The following CDH4 variants were observed in gnomAD, a reference collection of about 807,000 sequenced individuals.
CDH4 encodes the protein cadherin 4.
Under a neutral mutation model 86.0 loss-of-function variants are expected in CDH4, and 33 were observed. That is an observed-to-expected ratio of 0.38 (90% CI 0.29 to 0.51). The LOEUF is 0.51. Ranked by LOEUF, CDH4 falls within the 20% of genes least tolerant of loss-of-function variation. The pLI, the probability that CDH4 is intolerant of heterozygous loss-of-function variation, is 0.86. For synonymous variants in CDH4, 555 were observed against 549.4 expected, an observed-to-expected ratio of 1.01 and a Z score of -0.14; for missense variants, 1,114 against 1,307.4, an observed-to-expected ratio of 0.85 and a Z score of 2.28.
chr20:61,434,955 C>T (rs1397357721), intron 2 of CDH4: 1 of 152,134 alleles, frequency 6.6e-6, no homozygotes, highest in African/African-American at 2.4e-5. Context: ...AATTTGTTTA[C>T]TTTTTAGGAC....
At chr20:61,588,304 C>T (rs1212373194) in intron 2 of CDH4, among the ~76,000 whole-genome samples, 2 of 152,054 alleles carry the variant, frequency 1.3e-5, no homozygotes, top group East Asian at 1.9e-4. Context: ...ACTAGGAAGG[C>T]GTAGGTCTCG....
At chr20:61,611,130 C>G (rs1011620072) in intron 2 of CDH4, among the ~76,000 whole-genome samples, 2 of 152,082 alleles carry the variant, frequency 1.3e-5, no homozygotes, top group African/African-American at 4.8e-5. Flanking sequence ...GGGTGCACGT[C>G]TCCCAGCAGG....
At chr20:61,612,091 A>T (rs995304904) in intron 2 of CDH4, among the ~76,000 whole-genome samples, 9 of 152,046 alleles carry the variant, frequency 5.9e-5, no homozygotes, top group Middle Eastern at 3.2e-3. Flanking sequence ...GAATTTAAAA[A>T]TTTTTTTTGA....
At chr20:61,818,495 C>T (rs1232545563) in intron 4 of CDH4, among the ~76,000 whole-genome samples, 1 of 151,980 alleles carries the variant, frequency 6.6e-6, no homozygotes, top group Non-Finnish European at 1.5e-5. Context: ...GGTAACATAG[C>T]AAGGCCCTGT....
At position 61,691,931 on chromosome 20, in the gene CDH4, G is replaced by A. The variant is rs191487064; in HGVS notation, c.170-51632G>A. On this transcript the variant is annotated intron_variant, in intron 2 of 15. Transcript: ENST00000614565. ...GTCCTTAAAATAAACTAGCACCCAT[G>A]ACAGCCTACTGAGCACTTTTGTGTA... is the stretch of plus-strand genomic sequence containing the variant. 5.4e-4 allele frequency among the ~76,000 whole-genome samples: 82 copies of A among 152,372 alleles called. No individual in the cohort carries two copies. The South Asian group carries it at 6.8e-3, about 13-fold the overall frequency.
chr20:61,798,923 C>T (rs906137442), intron 4 of CDH4, among the ~76,000 whole-genome samples: 6 of 152,194 alleles, frequency 3.9e-5, no homozygotes, highest in African/African-American at 9.6e-5. Flanking sequence ...CCCGATGACC[C>T]GGGCTCCTTT....
chr20:61,413,291 G>C (rs1157704679), intron 2 of CDH4, among the ~76,000 whole-genome samples: 1 of 151,314 alleles, frequency 6.6e-6, no homozygotes. Context: ...GTTTCTCTTT[G>C]TACCTCCCAC....
At chr20:61,318,385 C>G (rs2084489219) in intron 2 of CDH4, among the ~76,000 whole-genome samples, 1 of 152,134 alleles carries the variant, frequency 6.6e-6, no homozygotes, top group Non-Finnish European at 1.5e-5. Flanking sequence ...CCAAGATTTA[C>G]TGCTTTGAAT....
intron 5 of CDH4, among the ~76,000 whole-genome samples, chr20:61,847,182 C>T (rs1235021192): frequency 6.6e-6 from 1 of 152,232 alleles, no homozygotes; most frequent in Admixed American, 6.5e-5. Flanking sequence ...TTCGCATTCC[C>T]ACCAACTCCC....
At chr20:61,928,597 C>T (rs1023227337) in intron 12 of CDH4, among the ~76,000 whole-genome samples, 174 bp downstream of exon 12, 1 of 152,232 alleles carries the variant, frequency 6.6e-6, no homozygotes, top group Non-Finnish European at 1.5e-5. Flanking sequence ...CCTCCTTCAC[C>T]TGGCCTTGAG....
At chr20:61,410,643 C>T (rs2085113574) in intron 2 of CDH4, among the ~76,000 whole-genome samples, 1 of 151,648 alleles carries the variant, frequency 6.6e-6, no homozygotes, top group African/African-American at 2.4e-5. Context: ...GTCCATCCAT[C>T]CATCCATCCA....
At chr20:61,336,520 T>C (rs2084617964) in intron 2 of CDH4, among the ~76,000 whole-genome samples, 1 of 152,132 alleles carries the variant, frequency 6.6e-6, no homozygotes, top group South Asian at 2.1e-4. Flanking sequence ...AGCCCCTTTT[T>C]GTCTCCTACC....
intron 2 of CDH4, among the ~76,000 whole-genome samples, chr20:61,466,406 A>G (rs2085471642): frequency 6.6e-6 from 1 of 152,242 alleles, no homozygotes; most frequent in Admixed American, 6.5e-5. Flanking sequence ...AAGATCGTGC[A>G]TAGCAGGTGC....
At chr20:61,317,995 G>A (rs1305911265) in intron 2 of CDH4, among the ~76,000 whole-genome samples, 1 of 152,200 alleles carries the variant, frequency 6.6e-6, no homozygotes, top group East Asian at 1.9e-4. Context: ...TTTGTTCTTA[G>A]CAAACCTAAA....
chr20:61,644,304 G>A (rs1184683907), intron 2 of CDH4, among the ~76,000 whole-genome samples: 3 of 152,194 alleles, frequency 2.0e-5, no homozygotes, highest in Admixed American at 6.5e-5. Context: ...TTTAATCATC[G>A]GAGCACTCCT....
At chr20:61,610,341 A>G (rs762276181) in intron 2 of CDH4, among the ~76,000 whole-genome samples, 10 of 152,200 alleles carry the variant, frequency 6.6e-5, no homozygotes, top group Non-Finnish European at 1.3e-4. Context: ...ATTCTTTTTT[A>G]TGGCTGAATA....
At chr20:61,519,364 T>C (rs1289123079) in intron 2 of CDH4, among the ~76,000 whole-genome samples, 1 of 152,244 alleles carries the variant, frequency 6.6e-6, no homozygotes, top group East Asian at 1.9e-4. Flanking sequence ...GCTTTGGTTT[T>C]ATACCCATGG....
intron 2 of CDH4, among the ~76,000 whole-genome samples, chr20:61,565,233 G>GTGGTGGTCT (rs2086270905): frequency 6.4e-5 from 3 of 46,740 alleles, no homozygotes; most frequent in African/African-American, 2.5e-4. Context: ...GGTGGTGGTG[G>GTGGTGGTCT]TGGTGGTGGC....
chr20:61,737,446 G>T (rs1376104700), intron 2 of CDH4, among the ~76,000 whole-genome samples: 2 of 152,104 alleles, frequency 1.3e-5, no homozygotes, highest in African/African-American at 4.8e-5. Context: ...ACCCTGCACG[G>T]CTCCCCATCC....
Sources: allele counts gnomAD v4.1 joint callset (sites outside exome capture counted in the v4.1 genomes callset), GRCh38; gene constraint gnomAD v4.1.1; transcripts MANE v1.5; gene names NCBI Gene and HGNC (gene_info 2026-07-23, HGNC 2026-07-21).